Variants in NEB observed in about 807,000 individuals in gnomAD.
The protein encoded by NEB is nemaline myopathy type 2.
Under a neutral mutation model 952.2 loss-of-function variants are expected in NEB, and 512 were observed. The ratio of observed to expected loss-of-function variants is 0.54; its 90% CI spans 0.50 to 0.58. NEB has a LOEUF of 0.58. NEB is among the 20% of genes least tolerant of loss of function. NEB has a pLI of 0.00. For missense variants in NEB, 8,428 were observed against 9,231.1 expected (o/e 0.91, Z 3.56); for synonymous variants, 2,900 against 3,149.8 (o/e 0.92, Z 2.66).
intron 38 of NEB, among the ~76,000 whole-genome samples, chr2:151,670,237 C>A (rs1273637334): frequency 6.6e-6 from 1 of 152,170 alleles, no homozygotes; most frequent in African/African-American, 2.4e-5. Flanking sequence ...ATCCATAGAT[C>A]TTCAAATCCA....
chr2:151,701,701 C>T (rs915996752), intron 13 of NEB, among the ~76,000 whole-genome samples: 122 of 150,696 alleles, frequency 8.1e-4, no homozygotes, highest in East Asian at 1.2e-3. Flanking sequence ...TCTGTGGGAT[C>T]GGTGGTGATA....
At chr2:151,643,479 AATT>A (rs2098914390) in intron 57 of NEB, 126 bp from the exon 58 acceptor site, 1 of 852,958 alleles carries the variant, frequency 1.2e-6, no homozygotes, top group Admixed American at 3.3e-5. Flanking sequence ...TTAATACTTG[AATT>A]ATTAGAAAAT....
In NEB at chr2:151,672,453, G is replaced by A. The variant is rs2099312692; in HGVS notation, c.4215C>T (p.Tyr1405=). 1 of 1,613,870 alleles carries A rather than the reference G, an allele frequency of 6.2e-7. No individual in the cohort carries two copies. The highest frequency in any genetic ancestry group is 8.5e-7 in the Non-Finnish European group (1 of 1,179,858). Residue 1405 remains tyrosine, a synonymous_variant, in exon 37 of 182, where the codon TAC becomes TAT. Transcript: ENST00000397345. The part of the protein sequence containing the change: ...MAQDVATNVN[Y]KQPLHHYTYL... ...ATGTGTAATGATGCAATGGCTGTTT[G>A]TAGTTGACATTGGTAGCGACATCCT...
Position 151,656,423 on chromosome 2 carries a change from C to A in NEB, c.6225G>T (p.Met2075Ile), listed in dbSNP as rs760968740. 9 of 1,612,900 alleles carry A rather than the reference C, an allele frequency of 5.6e-6. No individual in the cohort carries two copies. In the African/African-American group the frequency reaches 6.7e-5, roughly 12 times the overall value. ...KYNYEKGKGKMVGFRSLEDDP... is the reference protein window; with the variant it reads ...KYNYEKGKGKIVGFRSLEDDP... ...CATCCTCGAGACTGCGGAAACCAACCATTTTCCCCTTCCCTTTTTCATAAT... is the reference window on the plus strand; with the variant it reads ...CATCCTCGAGACTGCGGAAACCAACAATTTTCCCCTTCCCTTTTTCATAAT... Residue 2075 changes from methionine (M) to isoleucine (I), a missense_variant, in exon 49 of 182, where the codon ATG becomes ATT. Met to Ile is a conservative substitution (Grantham distance 10). Coordinates refer to ENST00000397345, the MANE Select transcript of NEB (RefSeq NM_001164508.2).
chr2:151,639,421 G>T (rs1232239816), intron 62 of NEB, 37 bp from the exon 63 acceptor site: 6 of 1,450,964 alleles, frequency 4.1e-6, no homozygotes, highest in Non-Finnish European at 3.7e-6. Context: ...CAGGAAAAAA[G>T]TTCTGTGTAT....
At chr2:151,723,750 GTTTTTTTTTTT>G (rs11308757) in intron 8 of NEB, among the ~76,000 whole-genome samples, 2 of 51,380 alleles carry the variant, frequency 3.9e-5, no homozygotes, top group South Asian at 1.0e-3. Flanking sequence ...TGCCTTCTTT[GTTTTTTTTTTT>G]TTTTTTTTTT....
intron 37 of NEB, 162 bp from the exon 38 acceptor site, chr2:151,671,391 A>T: frequency 1.6e-6 from 1 of 630,294 alleles, no homozygotes; most frequent in Non-Finnish European, 2.7e-6. Context: ...AATAAGAAGA[A>T]GCTGTTCTGT....
Position 151,672,602 on chromosome 2 carries a change from C to T in NEB, c.4066G>A (p.Val1356Ile). ...FRSLQDDPKLVHYMNVAKLQS... is the reference protein window; with the variant it reads ...FRSLQDDPKLIHYMNVAKLQS... ...AGCTTTGCCACATTCATATAGTGGA[C>T]CAGCTTGGGATCATCCTGGAGGCTT... The change falls in exon 37 of 182, where the codon GTC (valine) becomes ATC (isoleucine). Residue 1356 changes from valine (V) to isoleucine (I), a missense_variant. Val to Ile is a conservative substitution (Grantham distance 29, BLOSUM62 3). Around this residue, in one of 11 missense-constraint regions of NEB, gnomAD observed 2,851 missense variants for 2,791.5 expected, o/e 1.02. Transcript: ENST00000397345. 3 of 1,613,954 alleles carry T rather than the reference C, an allele frequency of 1.9e-6. No individual in the cohort carries two copies. The highest frequency in any genetic ancestry group is 1.7e-5 in the Admixed American group (1 of 60,018).
intron 9 of NEB, among the ~76,000 whole-genome samples, chr2:151,719,770 T>C (rs1161938122): frequency 6.6e-6 from 1 of 151,334 alleles, no homozygotes; most frequent in Non-Finnish European, 1.5e-5. Flanking sequence ...TCCCAGCTAC[T>C]TGGGAGGCTG....
At chr2:151,601,081 A>ATT (rs1245779320) in intron 88 of NEB, among the ~76,000 whole-genome samples, 1 of 103,098 alleles carries the variant, frequency 9.7e-6, no homozygotes, top group Non-Finnish European at 1.9e-5. Context: ...CTTTGTTGAA[A>ATT]TTTTTTTTAT....
chr2:151,540,393 T>C lies in NEB; in HGVS notation c.20843A>G (p.Asp6948Gly), dbSNP rs1179543462. 6.3e-7 allele frequency: 1 copy of C among 1,586,168 alleles called. No homozygotes were observed. The highest frequency in any genetic ancestry group is 8.6e-7 in the Non-Finnish European group (1 of 1,164,444). The change falls in exon 138 of 182, where the codon GAT (aspartate) becomes GGT (glycine). Residue 6948 changes from aspartate to glycine, a missense_variant. By Grantham distance (94) the Asp-to-Gly change is moderately conservative. Transcript: ENST00000397345. ...CTTGGCTCTGATGAGGATTGGCGTA[T>C]CTGGAACCGGAGTGTACTTGTCTTT... is the stretch of plus-strand genomic sequence containing the variant. ...KMKDKYTPVPDTPILIRAKRA... is the reference protein window; with the variant it reads ...KMKDKYTPVPGTPILIRAKRA...
chr2:151,664,054 A>G (rs1403620145), intron 44 of NEB, among the ~76,000 whole-genome samples, 195 bp from the exon 45 acceptor site: 1 of 152,152 alleles, frequency 6.6e-6, no homozygotes, highest in African/African-American at 2.4e-5. Flanking sequence ...AGTCCATGGA[A>G]AGAAAATAAT....
intron 22 of NEB, 43 bp from the exon 23 acceptor site, chr2:151,692,011 T>C: frequency 6.2e-7 from 1 of 1,604,964 alleles, no homozygotes; most frequent in African/African-American, 1.3e-5. Flanking sequence ...TTGTTATGGC[T>C]CTCAAACAAT....
Position 151,669,020 on chromosome 2 carries a change from TACTC to T in NEB, c.4611+3_4611+6del, listed in dbSNP as rs1445915238. ...TACGCAATATTAGCACTGGGCCAAA[TACTC>T]ACATCACTCATGTTGAGGGCGTTGA... is the stretch of plus-strand genomic sequence containing the variant. On this transcript the variant is annotated splice_donor_5th_base_variant and intron_variant, in intron 39 of 181. Transcript: ENST00000397345. 2 of 1,567,442 alleles carry T rather than the reference TACTC, an allele frequency of 1.3e-6. No individual in the cohort carries two copies. The highest frequency in any genetic ancestry group is 1.7e-6 in the Non-Finnish European group (2 of 1,148,686).
rs201250579 is a variant in NEB, at chr2:151,618,263, T to C, written c.11076+12A>G. Reference sequence around the variant, plus strand: ...AACTTTCGGTATCTAACAGTGAGGATTGAAGACTCACCTTATTCATGTTTA... The same window carrying C: ...AACTTTCGGTATCTAACAGTGAGGACTGAAGACTCACCTTATTCATGTTTA... On this transcript the variant is annotated intron_variant, in intron 74 of 181. Transcript: ENST00000397345. 556 of 1,612,198 alleles carry C rather than the reference T, an allele frequency of 3.4e-4. 4 individuals are homozygous for C. In the African/African-American group the frequency reaches 6.0e-3, roughly 17 times the overall value.
In NEB at chr2:151,642,691, A is replaced by G. The variant is rs2098892027; in HGVS notation, c.8266-10T>C. ...CAAGCTTATACAATTTCTAAAATAG[A>G]CATTAATAGTAAGTTGGATTTATAA... On this transcript the variant is annotated splice_polypyrimidine_tract_variant and intron_variant, in intron 59 of 181. Transcript: ENST00000397345. 3 of 1,612,622 alleles carry G rather than the reference A, an allele frequency of 1.9e-6. No homozygotes were observed. Among genetic ancestry groups the G allele is most frequent in the Admixed American group, 1.7e-5 (1 of 59,954 alleles).
chr2:151,569,882 C>A (rs2096566378), intron 109 of NEB, among the ~76,000 whole-genome samples, 199 bp downstream of exon 109: 1 of 152,164 alleles, frequency 6.6e-6, no homozygotes, highest in Non-Finnish European at 1.5e-5. Flanking sequence ...TGTATTCATA[C>A]TACCATTTAT....
chr2:151,601,329 G>A (rs1481885795), intron 88 of NEB, among the ~76,000 whole-genome samples: 1 of 142,436 alleles, frequency 7.0e-6, no homozygotes, highest in Admixed American at 6.9e-5. Context: ...GGCTGGTCTC[G>A]AACTCCTGAC....
chr2:151,672,774 A>G (rs1347969866), intron 36 of NEB, 94 bp from the exon 37 acceptor site: 1 of 1,215,242 alleles, frequency 8.2e-7, no homozygotes. Context: ...GAGCTTTGTG[A>G]CTTTCTCAAG....
Sources: allele counts gnomAD v4.1 joint callset (sites outside exome capture counted in the v4.1 genomes callset), GRCh38; gene constraint gnomAD v4.1.1; regional missense constraint gnomAD v4.1.1; transcripts MANE v1.5; gene names NCBI Gene and HGNC (gene_info 2026-07-23, HGNC 2026-07-21).